Variants in IGF2BP2 observed in about 807,000 individuals in gnomAD.
The protein encoded by IGF2BP2 is insulin-like growth factor 2 mRNA-binding protein 2.
In IGF2BP2, 17 loss-of-function variants were observed where a neutral mutation model predicts 75.8. That is an observed-to-expected ratio of 0.22 (90% CI 0.15 to 0.34). The LOEUF (loss-of-function observed/expected upper bound fraction) is 0.34, where lower values mean the gene tolerates loss of function less well. Among genes scored for constraint, IGF2BP2 ranks in the 10% least tolerant of loss-of-function variants. The pLI is 1.00. For missense variants in IGF2BP2, 516 were observed against 772.4 expected, an observed-to-expected ratio of 0.67 and a Z score of 3.93; for synonymous variants, 288 against 295.6, an observed-to-expected ratio of 0.97 and a Z score of 0.26.
intron 2 of IGF2BP2, among the ~76,000 whole-genome samples, chr3:185,804,164 G>C (rs1738661310): frequency 6.6e-6 from 1 of 151,298 alleles, no homozygotes; most frequent in South Asian, 2.1e-4. Context: ...GACTGAGGCA[G>C]AGAATCACTT....
intron 2 of IGF2BP2, among the ~76,000 whole-genome samples, chr3:185,792,137 G>C (rs1001934427): frequency 6.6e-6 from 1 of 152,142 alleles, no homozygotes; most frequent in Admixed American, 6.5e-5. Flanking sequence ...CCATCGGCTT[G>C]AATACATGAT....
chr3:185,667,006 T>C (rs1717746249), intron 10 of IGF2BP2, among the ~76,000 whole-genome samples: 1 of 152,304 alleles, frequency 6.6e-6, no homozygotes, highest in Non-Finnish European at 1.5e-5. Flanking sequence ...AAAAATAACA[T>C]TGCTGTTAAA....
chr3:185,738,048 T>C (rs553010814), intron 2 of IGF2BP2, among the ~76,000 whole-genome samples: 2 of 152,246 alleles, frequency 1.3e-5, no homozygotes, highest in African/African-American at 2.4e-5. Flanking sequence ...TACCAGGCCA[T>C]TGCCAACACT....
intron 2 of IGF2BP2, among the ~76,000 whole-genome samples, chr3:185,763,533 G>T (rs1471870602): frequency 1.3e-5 from 2 of 152,220 alleles, no homozygotes; most frequent in Non-Finnish European, 2.9e-5. Flanking sequence ...TTCAGCAGAT[G>T]ATTTTGGAAT....
rs550180345 is a variant in IGF2BP2, at chr3:185,687,745, T to C, written c.678-554A>G. 6.7e-4 allele frequency among the ~76,000 whole-genome samples: 102 copies of C among 152,372 alleles called. No individual in the cohort carries two copies. In the South Asian group the frequency reaches 0.017, roughly 25 times the overall value. ...TAAGACTAATGGCTCAAAAGCTTGATGACTTTATCAGACTTCTTTGGGTAG... is the reference window on the plus strand; with the variant it reads ...TAAGACTAATGGCTCAAAAGCTTGACGACTTTATCAGACTTCTTTGGGTAG... On this transcript the variant is annotated intron_variant, in intron 6 of 15. Transcript: ENST00000382199.
At chr3:185,801,489 CAAAAAAAAAA>C (rs35823870) in intron 2 of IGF2BP2, among the ~76,000 whole-genome samples, 1 of 51,664 alleles carries the variant, frequency 1.9e-5, no homozygotes, top group African/African-American at 6.7e-5. Flanking sequence ...AACTCCATCT[CAAAAAAAAAA>C]AAAAAAAAAA....
chr3:185,716,147 T>C (rs1725574546), intron 2 of IGF2BP2, among the ~76,000 whole-genome samples: 1 of 152,040 alleles, frequency 6.6e-6, no homozygotes, highest in Non-Finnish European at 1.5e-5. Context: ...TAGTAGAGGG[T>C]ATGATTGAAT....
At chr3:185,677,040 TGG>T (rs1187280380) in intron 7 of IGF2BP2, among the ~76,000 whole-genome samples, 1 of 44,844 alleles carries the variant, frequency 2.2e-5, no homozygotes, top group Non-Finnish European at 4.1e-5. Context: ...TATATATATA[TGG>T]AGATATATAT....
intron 2 of IGF2BP2, among the ~76,000 whole-genome samples, chr3:185,793,215 C>T (rs1736881128): frequency 6.6e-6 from 1 of 152,092 alleles, no homozygotes; most frequent in African/African-American, 2.4e-5. Flanking sequence ...GCAGAAAGAA[C>T]ACAAGTTTTG....
intron 2 of IGF2BP2, among the ~76,000 whole-genome samples, chr3:185,699,628 T>C (rs1723030940): frequency 6.6e-6 from 1 of 152,224 alleles, no homozygotes. Context: ...ATATTCATAT[T>C]TTCACCCTTT....
chr3:185,722,301 T>C (rs1027871021), intron 2 of IGF2BP2: 7 of 455,752 alleles, frequency 1.5e-5, no homozygotes, highest in African/African-American at 1.4e-4. Flanking sequence ...ACCATCAGGA[T>C]ATGCCACTGC....
At chr3:185,690,787 A>G (rs1721844024) in intron 5 of IGF2BP2, among the ~76,000 whole-genome samples, 1 of 152,322 alleles carries the variant, frequency 6.6e-6, no homozygotes, top group Admixed American at 6.5e-5. Context: ...TTATTTAAAG[A>G]TATTTATCAA....
chr3:185,821,078 T>C, intron 2 of IGF2BP2: 1 of 1,535,096 alleles, frequency 6.5e-7, no homozygotes. Flanking sequence ...GCTTCATCCC[T>C]GAAGTCTGAT....
intron 2 of IGF2BP2, among the ~76,000 whole-genome samples, chr3:185,814,882 T>C (rs1044780360): frequency 1.7e-4 from 26 of 152,308 alleles, no homozygotes; most frequent in African/African-American, 6.0e-4. Flanking sequence ...AATGTTCTGT[T>C]AATAAGGTGA....
At chr3:185,782,156 G>T (rs1735293363) in intron 2 of IGF2BP2, among the ~76,000 whole-genome samples, 1 of 152,144 alleles carries the variant, frequency 6.6e-6, no homozygotes, top group Admixed American at 6.6e-5. Flanking sequence ...AGAAAAGAGT[G>T]AAGAGATGGC....
At chr3:185,688,788 A>G (rs533824076) in intron 6 of IGF2BP2, among the ~76,000 whole-genome samples, 1 of 152,322 alleles carries the variant, frequency 6.6e-6, no homozygotes, top group South Asian at 2.1e-4. Flanking sequence ...GCTTTATTAC[A>G]TCATGCTACA....
At chr3:185,786,703 T>C (rs762059051) in intron 2 of IGF2BP2, among the ~76,000 whole-genome samples, 4 of 152,144 alleles carry the variant, frequency 2.6e-5, no homozygotes, top group Non-Finnish European at 5.9e-5. Flanking sequence ...ACACAAAGCC[T>C]GTTTGGTGGT....
chr3:185,748,621 G>C (rs1157119604), intron 2 of IGF2BP2, among the ~76,000 whole-genome samples: 2 of 152,138 alleles, frequency 1.3e-5, no homozygotes, highest in Non-Finnish European at 2.9e-5. Context: ...TCTTGATTTA[G>C]AATATACCAA....
At chr3:185,747,680 AAAAT>A (rs1006864706) in intron 2 of IGF2BP2, among the ~76,000 whole-genome samples, 3 of 152,074 alleles carry the variant, frequency 2.0e-5, no homozygotes, top group Admixed American at 6.5e-5. Flanking sequence ...GTCCGTCTCA[AAAAT>A]AAATAAATAA....
Sources: gnomAD v4.1 joint callset for allele counts (sites outside exome capture counted in the v4.1 genomes callset) on GRCh38, gnomAD v4.1.1 for gene constraint, MANE v1.5 for transcripts, NCBI Gene and HGNC (gene_info 2026-07-23, HGNC 2026-07-21) for gene names.